Variants in SLC9A9 observed in about 807,000 individuals in gnomAD.
SLC9A9 encodes sodium/hydrogen exchanger 9.
Under a neutral mutation model 77.8 loss-of-function variants are expected in SLC9A9, and 62 were observed. That is an observed-to-expected ratio of 0.80 (90% CI 0.65 to 0.98). SLC9A9 has a LOEUF of 0.98. Ranked by LOEUF, SLC9A9 falls within the 50% of genes least tolerant of loss-of-function variation. The pLI is 0.00. For synonymous variants in SLC9A9, 320 were observed against 283.5 expected, an observed-to-expected ratio of 1.13 and a Z score of -1.29; for missense variants, 775 against 774.9, an observed-to-expected ratio of 1.00 and a Z score of 0.00.
chr3:143,528,195 C>A (rs994801063), intron 9 of SLC9A9, among the ~76,000 whole-genome samples: 4 of 152,184 alleles, frequency 2.6e-5, no homozygotes, highest in African/African-American at 9.7e-5. Flanking sequence ...GCTTTTTGCT[C>A]CACCATTATA....
chr3:143,325,994 GT>G (rs569637395), intron 14 of SLC9A9, among the ~76,000 whole-genome samples: 2 of 152,256 alleles, frequency 1.3e-5, no homozygotes, highest in South Asian at 4.2e-4. Flanking sequence ...CTTGGTATTG[GT>G]TTTCTATTCA....
chr3:143,512,251 C>A (rs947324878), intron 9 of SLC9A9, among the ~76,000 whole-genome samples: 1 of 152,196 alleles, frequency 6.6e-6, no homozygotes, highest in African/African-American at 2.4e-5. Context: ...TGTAATAAAA[C>A]TTTATAGGAT....
chr3:143,366,100 TG>T (rs1246994672), intron 13 of SLC9A9, among the ~76,000 whole-genome samples: 2 of 152,156 alleles, frequency 1.3e-5, no homozygotes, highest in African/African-American at 4.8e-5. Flanking sequence ...AATGTAAGGG[TG>T]GGCAGTGTTG....
intron 12 of SLC9A9, among the ~76,000 whole-genome samples, chr3:143,448,021 A>G (rs2034875865): frequency 6.6e-6 from 1 of 152,166 alleles, no homozygotes; most frequent in Admixed American, 6.6e-5. Flanking sequence ...TGGGGGATGG[A>G]GGATGGCATT....
intron 8 of SLC9A9, among the ~76,000 whole-genome samples, chr3:143,563,563 T>G (rs2037121468): frequency 6.6e-6 from 1 of 152,094 alleles, no homozygotes; most frequent in South Asian, 2.1e-4. Context: ...TTGAGGAAGG[T>G]AGTCTGTTTA....
Position 143,824,835 on chromosome 3 carries a change from A to G in SLC9A9, c.378+7184T>C, listed in dbSNP as rs560317845. Among the ~76,000 whole-genome samples the G allele has an allele frequency of 2.6e-5, 4 of 152,348 alleles. No homozygotes were observed. In the South Asian group the frequency reaches 8.3e-4, roughly 32 times the overall value. On this transcript the variant is annotated intron_variant, in intron 2 of 15. Transcript: ENST00000316549. ...AACTTTTTGCCAAAAATGTTGAATG[A>G]AAGTGGAAGAAAACAGCTAAAGCAA... is the stretch of plus-strand genomic sequence containing the variant.
chr3:143,492,165 G>A (rs1180800154), intron 11 of SLC9A9, among the ~76,000 whole-genome samples: 34 of 151,996 alleles, frequency 2.2e-4, no homozygotes, highest in Admixed American at 2.0e-3. Flanking sequence ...GGTGGCAGGC[G>A]CCTGTAGTCC....
chr3:143,445,405 A>G (rs374366963), intron 12 of SLC9A9, among the ~76,000 whole-genome samples: 5 of 152,320 alleles, frequency 3.3e-5, no homozygotes, highest in Admixed American at 1.3e-4. Flanking sequence ...ACTTTGACCA[A>G]TGGAATGTGA....
chr3:143,772,452 A>G (rs111890973), intron 4 of SLC9A9, among the ~76,000 whole-genome samples: 1,559 of 152,316 alleles, frequency 0.01, 19 homozygotes, highest in African/African-American at 0.035. Context: ...TCAAGTACAG[A>G]TATTTGGGAA....
At chr3:143,475,295 C>T (rs73008862) in intron 11 of SLC9A9, among the ~76,000 whole-genome samples, 3,404 of 151,776 alleles carry the variant, frequency 0.022, 131 homozygotes, top group African/African-American at 0.078. Context: ...TGATCACCAT[C>T]GGAAATGATC....
intron 12 of SLC9A9, among the ~76,000 whole-genome samples, chr3:143,448,061 A>T (rs1354059761): frequency 1.3e-5 from 2 of 152,176 alleles, no homozygotes; most frequent in East Asian, 3.8e-4. Context: ...CCGTGGGACT[A>T]AGTGTCCCAT....
At chr3:143,587,990 T>A (rs1410150309) in intron 6 of SLC9A9, among the ~76,000 whole-genome samples, 2 of 152,210 alleles carry the variant, frequency 1.3e-5, no homozygotes, top group African/African-American at 2.4e-5. Context: ...ATTCTTTGTA[T>A]TTCCAGAAGA....
chr3:143,843,505 G>A (rs1257568130), intron 1 of SLC9A9, among the ~76,000 whole-genome samples: 2 of 152,158 alleles, frequency 1.3e-5, no homozygotes, highest in Admixed American at 1.3e-4. Context: ...ATAGTTTAAT[G>A]AATTCAAAAT....
At chr3:143,364,834 C>T (rs1327856718) in intron 13 of SLC9A9, among the ~76,000 whole-genome samples, 1 of 152,126 alleles carries the variant, frequency 6.6e-6, no homozygotes, top group African/African-American at 2.4e-5. Context: ...GTCTTAAGAT[C>T]TCTGATTTTT....
intron 14 of SLC9A9, among the ~76,000 whole-genome samples, chr3:143,331,152 C>G (rs2031756948): frequency 6.6e-6 from 1 of 151,660 alleles, no homozygotes; most frequent in East Asian, 1.9e-4. Flanking sequence ...CAATCCTGAG[C>G]ATTCCCTGAG....
chr3:143,560,305 C>T (rs2037058973), intron 8 of SLC9A9, among the ~76,000 whole-genome samples: 1 of 152,194 alleles, frequency 6.6e-6, no homozygotes, highest in Admixed American at 6.5e-5. Context: ...TATCAACTCA[C>T]CCTTGCTAAG....
chr3:143,753,902 G>C (rs952326313), intron 4 of SLC9A9, among the ~76,000 whole-genome samples: 1 of 152,212 alleles, frequency 6.6e-6, no homozygotes, highest in Admixed American at 6.5e-5. Context: ...GAGAGAAAAA[G>C]TTCTTCACAT....
At chr3:143,782,977 T>G (rs2007929815) in intron 4 of SLC9A9, among the ~76,000 whole-genome samples, 1 of 152,254 alleles carries the variant, frequency 6.6e-6, no homozygotes, top group Admixed American at 6.5e-5. Flanking sequence ...TTCTGTCAGT[T>G]CCATCATTCA....
rs771482796 is a variant in SLC9A9, at chr3:143,266,165, C to A, written c.*537G>T. ...TCTGGGAAACCATCAGCAGTGGGTA[C>A]GGAACACTTCTCTGGGCTCTGCCCT... On this transcript the variant is annotated 3_prime_UTR_variant, in exon 16 of 16. Transcript: ENST00000316549. The A allele has an allele frequency of 1.6e-4, 113 of 700,368 alleles. No homozygotes were observed. In the East Asian group the frequency reaches 2.2e-3, roughly 14 times the overall value. The allele number at this position is 700,368 out of a possible 1,614,324, so 43.4% of individuals were successfully genotyped here.
Sources: allele counts gnomAD v4.1 joint callset (sites outside exome capture counted in the v4.1 genomes callset), GRCh38; gene constraint gnomAD v4.1.1; transcripts MANE v1.5; gene names NCBI Gene and HGNC (gene_info 2026-07-23, HGNC 2026-07-21).